Variants in TSHZ3 observed in about 807,000 individuals in gnomAD.
TSHZ3 encodes teashirt homolog 3.
Under a neutral mutation model 64.5 loss-of-function variants are expected in TSHZ3, and 10 were observed. That is an observed-to-expected ratio of 0.16 (90% CI 0.10 to 0.26). The LOEUF (loss-of-function observed/expected upper bound fraction) is 0.26, where lower values mean the gene tolerates loss of function less well. Among genes scored for constraint, TSHZ3 ranks in the 10% least tolerant of loss-of-function variants. TSHZ3 has a pLI of 1.00. For missense variants in TSHZ3, 1,242 were observed against 1,421.7 expected, an observed-to-expected ratio of 0.87 and a Z score of 2.03; for synonymous variants, 608 against 593.1, an observed-to-expected ratio of 1.03 and a Z score of -0.36.
In TSHZ3 at chr19:31,277,323, T is replaced by C. The variant is rs749311764; in HGVS notation, c.2470A>G (p.Thr824Ala). ...GATACGACGGCAGATGTCTTTGCCG[T>C]TGTCACCGTGGATGAGGAGGTTGCC... Reference protein sequence around the residue: ...APATSSSTVTTAKTSAVVSFM... With the variant: ...APATSSSTVTAAKTSAVVSFM... The change falls in exon 2 of 2, where the codon ACG (threonine) becomes GCG (alanine). Residue 824 changes from threonine (T) to alanine (A), a missense_variant. Physicochemically the swap from Thr to Ala is moderately conservative, Grantham distance 58. Coordinates refer to ENST00000240587, the MANE Select transcript of TSHZ3 (RefSeq NM_020856.4). This position sits in a 1 kb window ranked among gnomAD's most constrained non-coding sequence, Gnocchi z 4.5. The C allele has an allele frequency of 1.9e-6, 3 of 1,613,056 alleles. No homozygotes were observed. In the Admixed American group the frequency reaches 5.0e-5, roughly 27 times the overall value.
At chr19:31,213,355 T>TAAAAA (rs1401980485) in intron 4 of TSHZ3, among the ~76,000 whole-genome samples, 4 of 3,538 alleles carry the variant, frequency 1.1e-3, no homozygotes, top group Non-Finnish European at 2.3e-3. Context: ...AGACTCTGTC[T>TAAAAA]CAAAAAAAAA....
At chr19:31,223,074 A>G (rs115988177) in intron 4 of TSHZ3, among the ~76,000 whole-genome samples, 131 of 152,290 alleles carry the variant, frequency 8.6e-4, no homozygotes, top group African/African-American at 3.1e-3. Context: ...AGAGGGCATT[A>G]GAGATTCCAT....
At chr19:31,154,572 AT>A (rs1974279965) in intron 6 of TSHZ3, among the ~76,000 whole-genome samples, 1 of 152,208 alleles carries the variant, frequency 6.6e-6, no homozygotes, top group Admixed American at 6.5e-5. Context: ...AATGGAGTTT[AT>A]TGGGTGAAAA....
At chr19:31,281,292 G>GC (rs1409639380) in intron 1 of TSHZ3, among the ~76,000 whole-genome samples, 2 of 151,960 alleles carry the variant, frequency 1.3e-5, no homozygotes, top group African/African-American at 2.4e-5. Flanking sequence ...AAGCAGATAG[G>GC]CCCCCCTCAT....
chr19:31,290,109 C>T (rs938215053), intron 1 of TSHZ3, among the ~76,000 whole-genome samples: 6 of 152,126 alleles, frequency 3.9e-5, no homozygotes, highest in Non-Finnish European at 8.8e-5. Flanking sequence ...TGACGCCACC[C>T]GATTTAGGGC....
chr19:31,168,523 C>T (rs746614472), intron 5 of TSHZ3, among the ~76,000 whole-genome samples: 9 of 152,166 alleles, frequency 5.9e-5, no homozygotes, highest in Non-Finnish European at 8.8e-5. Flanking sequence ...GAGAGCAAAG[C>T]GCCTGAATTC....
chr19:31,278,026 C>G lies in TSHZ3; in HGVS notation c.1767G>C (p.Gln589His), dbSNP rs1163335812. 1 of 1,613,496 alleles carries G rather than the reference C, an allele frequency of 6.2e-7. No homozygotes were observed. Reference sequence around the variant, plus strand: ...GGCTGCTGGGTGGAGAGACCAGGGTCTGGTTTTTCGTCGGGGAGACAATCT... The same window carrying G: ...GGCTGCTGGGTGGAGAGACCAGGGTGTGGTTTTTCGTCGGGGAGACAATCT... ...NSEIVSPTKN[Q>H]TLVSPPSSQT... Residue 589 changes from glutamine (Q) to histidine (H), a missense_variant, in exon 2 of 2, where the codon CAG becomes CAC. Gln to His is a conservative substitution (Grantham distance 24, BLOSUM62 0). Coordinates refer to ENST00000240587, the MANE Select transcript of TSHZ3 (RefSeq NM_020856.4). The surrounding 1 kb of genome is among the most constrained non-coding windows in gnomAD (Gnocchi z 4.7).
chr19:31,198,556 G>T (rs1447626306), intron 5 of TSHZ3, among the ~76,000 whole-genome samples: 2 of 151,990 alleles, frequency 1.3e-5, no homozygotes, highest in Non-Finnish European at 2.9e-5. Context: ...AAGTACTCCT[G>T]ATACTAATAA....
chr19:31,169,823 A>T (rs1451620481), intron 5 of TSHZ3, among the ~76,000 whole-genome samples: 1 of 152,108 alleles, frequency 6.6e-6, no homozygotes. Flanking sequence ...GGATTTGGTT[A>T]TGAGGATATA....
At chr19:31,229,394 G>A (rs952532186) in intron 3 of TSHZ3, among the ~76,000 whole-genome samples, 8 of 152,148 alleles carry the variant, frequency 5.3e-5, no homozygotes, top group African/African-American at 1.9e-4. Context: ...CATAATAGGA[G>A]AGCTTTTTCA....
intron 1 of TSHZ3, among the ~76,000 whole-genome samples, chr19:31,304,560 A>T (rs1240235634): frequency 6.6e-6 from 1 of 152,226 alleles, no homozygotes; most frequent in Non-Finnish European, 1.5e-5. Context: ...GAAAATGTAT[A>T]ATTAAATTAA....
intron 5 of TSHZ3, among the ~76,000 whole-genome samples, chr19:31,194,368 C>T (rs1440015540): frequency 6.6e-6 from 1 of 152,130 alleles, no homozygotes; most frequent in Non-Finnish European, 1.5e-5. Flanking sequence ...ACAAGGTCTG[C>T]CCTTAGGAGA....
chr19:31,153,615 A>G (rs1320193164), intron 6 of TSHZ3, among the ~76,000 whole-genome samples: 4 of 152,214 alleles, frequency 2.6e-5, no homozygotes, highest in Non-Finnish European at 5.9e-5. Flanking sequence ...ATTATCATAA[A>G]TTAAACTTTT....
At chr19:31,252,658 T>C (rs1245828291) in intron 1 of TSHZ3, among the ~76,000 whole-genome samples, 1 of 152,206 alleles carries the variant, frequency 6.6e-6, no homozygotes, top group Non-Finnish European at 1.5e-5. Context: ...AGTTGCCTGC[T>C]TCCCCTTTGC....
At chr19:31,237,606 T>C (rs1416351664) in intron 3 of TSHZ3, among the ~76,000 whole-genome samples, 1 of 152,194 alleles carries the variant, frequency 6.6e-6, no homozygotes, top group East Asian at 1.9e-4. Context: ...CATTCATTGA[T>C]GTTTGTTCTT....
At chr19:31,239,686 G>C (rs1389899985) in intron 3 of TSHZ3, among the ~76,000 whole-genome samples, 1 of 151,694 alleles carries the variant, frequency 6.6e-6, no homozygotes, top group Non-Finnish European at 1.5e-5. Context: ...GGCTCAAGTG[G>C]TCCTGCCTCA....
At chr19:31,325,403 G>A (rs1481033204) in intron 1 of TSHZ3, among the ~76,000 whole-genome samples, 1 of 152,220 alleles carries the variant, frequency 6.6e-6, no homozygotes, top group Non-Finnish European at 1.5e-5. Flanking sequence ...AAAAGGCAAA[G>A]ATGTCTGAGA....
At chr19:31,259,916 G>C (rs908433593) in intron 1 of TSHZ3, among the ~76,000 whole-genome samples, 6 of 152,082 alleles carry the variant, frequency 3.9e-5, no homozygotes, top group African/African-American at 1.4e-4. Flanking sequence ...GGTCTCTTGT[G>C]GGACCAAAAT....
intron 1 of TSHZ3, among the ~76,000 whole-genome samples, chr19:31,319,611 G>A (rs890912740): frequency 6.6e-6 from 1 of 152,062 alleles, no homozygotes; most frequent in Non-Finnish European, 1.5e-5. Flanking sequence ...GAGGAAACCC[G>A]GGCTCACCCA....
Sources: gnomAD v4.1 joint callset for allele counts (sites outside exome capture counted in the v4.1 genomes callset) on GRCh38, gnomAD v4.1.1 for gene constraint, Gnocchi (gnomAD v3.1) non-coding constraint, MANE v1.5 for transcripts, NCBI Gene and HGNC (gene_info 2026-07-23, HGNC 2026-07-21) for gene names.